PCDHA1: variants seen among roughly 807,000 people sequenced by gnomAD.
PCDHA1 encodes protocadherin alpha-1.
Under a neutral mutation model 61.3 loss-of-function variants are expected in PCDHA1, and 42 were observed. The observed-to-expected ratio is 0.69, with a 90% CI of 0.54 to 0.89. The LOEUF is 0.89. PCDHA1 is among the 40% of genes least tolerant of loss of function. The pLI is 0.00. For synonymous variants in PCDHA1, 610 were observed against 553.8 expected (o/e 1.10, Z -1.43); for missense variants, 1,256 against 1,235.3 (o/e 1.02, Z -0.25).
At chr5:140,834,478 A>T in intron 1 of PCDHA1, 1 of 1,614,162 alleles carries the variant, frequency 6.2e-7, no homozygotes. Context: ...GGCCAGCTCC[A>T]CTACTCGGTC....
intron 1 of PCDHA1, among the ~76,000 whole-genome samples, chr5:140,922,496 G>A (rs1554200851): frequency 6.6e-6 from 1 of 152,222 alleles, no homozygotes; most frequent in African/African-American, 2.4e-5. Flanking sequence ...ATCTGAGAGT[G>A]AGCAGATGCA....
chr5:140,884,308 G>T, intron 1 of PCDHA1: 1 of 1,613,766 alleles, frequency 6.2e-7, no homozygotes. Flanking sequence ...AGGCTTCGTC[G>T]AGGGCGTCGG....
chr5:140,876,376 A>G (rs2056310624), intron 1 of PCDHA1: 1 of 1,613,840 alleles, frequency 6.2e-7, no homozygotes, highest in African/African-American at 1.3e-5. Flanking sequence ...CACAGGTGAA[A>G]TTAGAATTTA....
chr5:140,843,248 C>G, intron 1 of PCDHA1: 1 of 1,596,046 alleles, frequency 6.3e-7, no homozygotes, highest in Non-Finnish European at 8.6e-7. Context: ...AGCGGACTCT[C>G]CGCGCCACCG....
At chr5:140,997,670 G>A (rs1587757819) in intron 3 of PCDHA1, among the ~76,000 whole-genome samples, 1 of 79,680 alleles carries the variant, frequency 1.3e-5, no homozygotes, top group Non-Finnish European at 2.9e-5. Flanking sequence ...TATACAGCTT[G>A]TGTGTGTGTG....
rs542272513 is a variant in PCDHA1 at position 140,808,844 on chromosome 5, G to A, written c.2394+20160G>A. The A allele has an allele frequency of 3.1e-6, 5 of 1,613,056 alleles. No individual in the cohort carries two copies. The highest frequency in any genetic ancestry group is 4.2e-6 in the Non-Finnish European group (5 of 1,179,922). On this transcript the variant is annotated intron_variant, in intron 1 of 3. Coordinates refer to ENST00000504120, the MANE Select transcript of PCDHA1 (RefSeq NM_018900.4). ...TCTGGGCAGCAACGTGACGCTGCAG[G>A]TGTTCGTGCTGGACGAAAACGACAA...
At chr5:140,947,083 A>G (rs1268359945) in intron 1 of PCDHA1, among the ~76,000 whole-genome samples, 2 of 151,728 alleles carry the variant, frequency 1.3e-5, no homozygotes, top group Non-Finnish European at 3.0e-5. Context: ...TTGAAACATC[A>G]GACTGTAGCC....
chr5:140,969,636 T>C (rs2096349824), intron 1 of PCDHA1: 1 of 212,100 alleles, frequency 4.7e-6, no homozygotes, highest in Non-Finnish European at 8.1e-6. Context: ...GGACAGGCCT[T>C]GGAATAGGGA....
chr5:140,795,972 T>G, intron 1 of PCDHA1: 1 of 1,614,034 alleles, frequency 6.2e-7, no homozygotes, highest in Non-Finnish European at 8.5e-7. Flanking sequence ...ATTGTAAAAT[T>G]TCATTAAAAC....
At position 140,868,760 on chromosome 5, in the gene PCDHA1, T is replaced by A. The variant is rs554040026; in HGVS notation, c.2394+80076T>A. On this transcript the variant is annotated intron_variant, in intron 1 of 3. Transcript: ENST00000504120. ...AATACAATGCCATTTCCATATATATTTAGTTTCAATATGACTTATAATCTG... is the reference window on the plus strand; with the variant it reads ...AATACAATGCCATTTCCATATATATATAGTTTCAATATGACTTATAATCTG... The A allele has an allele frequency of 3.0e-3, 699 of 232,214 alleles. 6 individuals carry two copies. The highest frequency in any genetic ancestry group is 0.014 in the African/African-American group (640 of 44,274). The allele number at this position is 232,214 out of a possible 1,614,324, so 14.4% of individuals were successfully genotyped here.
intron 1 of PCDHA1, chr5:140,834,503 A>C: frequency 1.2e-6 from 2 of 1,614,128 alleles, no homozygotes; most frequent in Non-Finnish European, 1.7e-6. Context: ...AGGAGGCTAA[A>C]CATGGCAACT....
intron 1 of PCDHA1, among the ~76,000 whole-genome samples, chr5:140,885,442 T>A (rs2060596310): frequency 6.6e-6 from 1 of 152,180 alleles, no homozygotes; most frequent in African/African-American, 2.4e-5. Flanking sequence ...TGTGCAATTA[T>A]ATATTATTTA....
intron 1 of PCDHA1, chr5:140,836,357 G>C: frequency 3.7e-6 from 6 of 1,613,654 alleles, no homozygotes; most frequent in Non-Finnish European, 5.1e-6. Context: ...GGGAGCCCTC[G>C]CTGACAGCCA....
intron 1 of PCDHA1, chr5:140,842,474 G>C: frequency 6.2e-7 from 1 of 1,613,946 alleles, no homozygotes; most frequent in Middle Eastern, 1.6e-4. Flanking sequence ...CAACGGGCAG[G>C]TGACCTGCTC....
intron 1 of PCDHA1, among the ~76,000 whole-genome samples, chr5:140,976,160 T>A (rs1554237376): frequency 6.6e-6 from 1 of 152,196 alleles, no homozygotes; most frequent in Admixed American, 6.5e-5. Context: ...TTTTACTACT[T>A]TTAGTTTTGT....
At chr5:140,797,258 C>G (rs146594045) in intron 1 of PCDHA1, 33 of 1,614,210 alleles carry the variant, frequency 2.0e-5, no homozygotes, top group Non-Finnish European at 2.5e-5. Flanking sequence ...GAGGACCCCC[C>G]CAAGACGGAC....
At chr5:140,990,073 G>A (rs559119700) in intron 3 of PCDHA1, among the ~76,000 whole-genome samples, 6 of 152,178 alleles carry the variant, frequency 3.9e-5, no homozygotes, top group East Asian at 1.9e-4. Context: ...AAATAAGGGG[G>A]ACAAAGGATG....
chr5:140,864,096 T>C (rs1459291547), intron 1 of PCDHA1: 1 of 152,506 alleles, frequency 6.6e-6, no homozygotes, highest in Non-Finnish European at 1.5e-5. Flanking sequence ...TTGATAAGTA[T>C]AATGATAATA....
rs782439866 is a variant in PCDHA1, at chr5:140,871,196, A to G, written c.2394+82512A>G. ...GCTGCGCTGGTGGATGTCAACGTGT[A>G]CCTGATCATCGCCATCTGCGTGGTG... On this transcript the variant is annotated intron_variant, in intron 1 of 3. Coordinates refer to ENST00000504120, the MANE Select transcript of PCDHA1 (RefSeq NM_018900.4). 19 of 1,613,546 alleles carry G rather than the reference A, an allele frequency of 1.2e-5. No homozygotes were observed. Among genetic ancestry groups the G allele is most frequent in the Non-Finnish European group, 1.6e-5 (19 of 1,179,946 alleles).
Sources: gnomAD v4.1 joint callset for allele counts (sites outside exome capture counted in the v4.1 genomes callset) on GRCh38, gnomAD v4.1.1 for gene constraint, MANE v1.5 for transcripts, NCBI Gene and HGNC (gene_info 2026-07-23, HGNC 2026-07-21) for gene names.